The following ZNF385D variants were observed in gnomAD, a reference collection of about 807,000 sequenced individuals.
ZNF385D encodes zinc finger protein 385D.
ZNF385D carries 15 observed loss-of-function variants against 35.8 expected under a neutral mutation model. The ratio of observed to expected loss-of-function variants is 0.42; its 90% CI spans 0.28 to 0.64. The LOEUF (loss-of-function observed/expected upper bound fraction) is 0.64. ZNF385D is among the 30% of genes least tolerant of loss of function. The pLI is 0.23. For synonymous variants in ZNF385D, 212 were observed against 186.8 expected (o/e 1.13, Z -1.10); for missense variants, 474 against 494.6 (o/e 0.96, Z 0.39).
intron 3 of ZNF385D, among the ~76,000 whole-genome samples, chr3:22,077,537 C>T (rs948663099): frequency 2.0e-5 from 3 of 151,912 alleles, no homozygotes; most frequent in Non-Finnish European, 4.4e-5. Flanking sequence ...TTTGTCTTAG[C>T]AAAGGCCCAC....
chr3:22,190,606 G>A (rs1295628997), intron 2 of ZNF385D, among the ~76,000 whole-genome samples: 1 of 152,128 alleles, frequency 6.6e-6, no homozygotes, highest in Admixed American at 6.6e-5. Context: ...AGTGATATGG[G>A]ACAAGCCAAC....
intron 3 of ZNF385D, among the ~76,000 whole-genome samples, chr3:22,063,345 G>A (rs1234046632): frequency 6.6e-6 from 1 of 151,986 alleles, no homozygotes; most frequent in African/African-American, 2.4e-5. Context: ...ACATCATTTT[G>A]ATTAATCTTC....
intron 3 of ZNF385D, among the ~76,000 whole-genome samples, chr3:21,998,893 T>G (rs1391258631): frequency 6.6e-6 from 1 of 152,268 alleles, no homozygotes; most frequent in East Asian, 1.9e-4. Flanking sequence ...GAAGAGTTCT[T>G]GGATTAACTA....
chr3:21,801,255 C>A (rs1232942387), intron 3 of ZNF385D, among the ~76,000 whole-genome samples: 1 of 152,000 alleles, frequency 6.6e-6, no homozygotes, highest in Non-Finnish European at 1.5e-5. Context: ...TTGTGTGTGT[C>A]AGTATTCATT....
chr3:21,654,785 TC>T (rs1188520435), intron 2 of ZNF385D, among the ~76,000 whole-genome samples: 17 of 152,216 alleles, frequency 1.1e-4, no homozygotes, highest in Admixed American at 2.6e-4. Context: ...CTCTAAATGC[TC>T]ACTCTCAATT....
intron 2 of ZNF385D, among the ~76,000 whole-genome samples, chr3:21,622,543 G>A (rs2065035114): frequency 6.6e-6 from 1 of 152,104 alleles, no homozygotes; most frequent in Admixed American, 6.6e-5. Flanking sequence ...ATCAAAACAA[G>A]ATAATCATAC....
intron 3 of ZNF385D, among the ~76,000 whole-genome samples, chr3:21,869,443 G>C (rs1697567064): frequency 6.6e-6 from 1 of 152,090 alleles, no homozygotes; most frequent in Non-Finnish European, 1.5e-5. Flanking sequence ...TTCCTAAAGT[G>C]GGAATATATA....
intron 2 of ZNF385D, among the ~76,000 whole-genome samples, chr3:21,630,716 C>G (rs2065256270): frequency 6.6e-6 from 1 of 152,070 alleles, no homozygotes; most frequent in South Asian, 2.1e-4. Flanking sequence ...TTTTTCTCAT[C>G]AGAAATGTGG....
At chr3:22,007,153 C>A (rs1392017995) in intron 3 of ZNF385D, among the ~76,000 whole-genome samples, 1 of 152,176 alleles carries the variant, frequency 6.6e-6, no homozygotes, top group East Asian at 1.9e-4. Flanking sequence ...CATCCATACA[C>A]CTTCTACTCC....
intron 3 of ZNF385D, among the ~76,000 whole-genome samples, chr3:22,075,462 T>C (rs1409805874): frequency 6.6e-6 from 1 of 151,880 alleles, no homozygotes; most frequent in Middle Eastern, 3.2e-3. Context: ...AGCCAAATGA[T>C]GATTCTCTGC....
At chr3:22,260,060 TC>T (rs1700542855) in intron 2 of ZNF385D, among the ~76,000 whole-genome samples, 1 of 151,990 alleles carries the variant, frequency 6.6e-6, no homozygotes, top group African/African-American at 2.4e-5. Flanking sequence ...GAAAACACAA[TC>T]AATTAGATTA....
intron 2 of ZNF385D, among the ~76,000 whole-genome samples, chr3:21,588,533 A>T (rs901858559): frequency 2.6e-5 from 4 of 152,126 alleles, no homozygotes; most frequent in African/African-American, 7.2e-5. Context: ...CCTTATAGAG[A>T]TAACATATAC....
chr3:22,281,313 C>T (rs1452593013), intron 2 of ZNF385D, among the ~76,000 whole-genome samples: 1 of 151,988 alleles, frequency 6.6e-6, no homozygotes, highest in Non-Finnish European at 1.5e-5. Flanking sequence ...TGTCTTGATC[C>T]AGTTCTTAAA....
chr3:21,940,335 T>C (rs143722796), intron 3 of ZNF385D, among the ~76,000 whole-genome samples: 3 of 152,282 alleles, frequency 2.0e-5, no homozygotes, highest in African/African-American at 4.8e-5. Context: ...TAGTGGCAAG[T>C]TGCTTACTCC....
intron 2 of ZNF385D, among the ~76,000 whole-genome samples, chr3:22,173,560 T>C (rs534831549): frequency 5.3e-5 from 8 of 152,188 alleles, no homozygotes; most frequent in Non-Finnish European, 7.3e-5. Flanking sequence ...TGAGAACTTG[T>C]GTGCTCTGGG....
At chr3:22,049,473 G>A (rs1022158496) in intron 3 of ZNF385D, among the ~76,000 whole-genome samples, 3 of 151,894 alleles carry the variant, frequency 2.0e-5, no homozygotes, top group Non-Finnish European at 4.4e-5. Context: ...GTGTACCCAT[G>A]TCCTCCACCT....
At chr3:21,793,400 G>A (rs1026364934) in intron 3 of ZNF385D, among the ~76,000 whole-genome samples, 4 of 152,182 alleles carry the variant, frequency 2.6e-5, no homozygotes, top group African/African-American at 9.7e-5. Flanking sequence ...GCAGATAGAG[G>A]GAACAAAGAA....
chr3:22,249,216 G>C (rs182557829), intron 2 of ZNF385D, among the ~76,000 whole-genome samples: 2 of 152,118 alleles, frequency 1.3e-5, no homozygotes, highest in East Asian at 1.9e-4. Context: ...CATGGCTGCT[G>C]TCTTATACCA....
At chr3:21,915,580 A>AGCATCT (rs916059560) in intron 3 of ZNF385D, among the ~76,000 whole-genome samples, 1 of 152,084 alleles carries the variant, frequency 6.6e-6, no homozygotes, top group Admixed American at 6.5e-5. Flanking sequence ...TTTACGGTAA[A>AGCATCT]GCATCTGGTT....
Sources: gnomAD v4.1 joint callset for allele counts (sites outside exome capture counted in the v4.1 genomes callset) on GRCh38, gnomAD v4.1.1 for gene constraint, MANE v1.5 for transcripts, NCBI Gene and HGNC (gene_info 2026-07-23, HGNC 2026-07-21) for gene names.